FHIT: variants seen among roughly 807,000 people sequenced by gnomAD.
FHIT encodes fragile histidine triad diadenosine triphosphatase, also known as bis(5'-adenosyl)-triphosphatase.
Under a neutral mutation model 17.9 loss-of-function variants are expected in FHIT, and 19 were observed. The observed-to-expected ratio is 1.06, with a 90% CI of 0.74 to 1.56. The LOEUF is 1.56. Among genes scored for constraint, FHIT ranks in the 40% most tolerant of loss-of-function variants. The pLI, the probability that FHIT is intolerant of heterozygous loss-of-function variation, is 0.00. For synonymous variants in FHIT, 81 were observed against 69.7 expected (o/e 1.16, Z -0.81); for missense variants, 248 against 189.2 (o/e 1.31, Z -1.82).
At chr3:60,082,903 T>C (rs1314807578) in intron 5 of FHIT, among the ~76,000 whole-genome samples, 1 of 152,196 alleles carries the variant, frequency 6.6e-6, no homozygotes, top group African/African-American at 2.4e-5. Flanking sequence ...GCAAATATTT[T>C]CTCCCATCCT....
intron 8 of FHIT, among the ~76,000 whole-genome samples, chr3:59,856,329 T>G (rs56279723): frequency 0.15 from 23,107 of 152,208 alleles, 2,400 homozygotes; most frequent in East Asian, 0.6. Flanking sequence ...AAATTTTTTT[T>G]GCAAAGAAAA....
intron 2 of FHIT, among the ~76,000 whole-genome samples, chr3:61,083,527 T>C (rs2035211584): frequency 6.6e-6 from 1 of 152,156 alleles, no homozygotes; most frequent in Admixed American, 6.5e-5. Flanking sequence ...GAGGAGGAGC[T>C]TGCAGTGAGC....
intron 2 of FHIT, among the ~76,000 whole-genome samples, chr3:61,110,160 C>T (rs75771742): frequency 6.6e-6 from 1 of 152,096 alleles, no homozygotes; most frequent in East Asian, 1.9e-4. Context: ...CCACAAGGTC[C>T]CTCACGCTCT....
intron 4 of FHIT, among the ~76,000 whole-genome samples, chr3:60,635,911 T>G (rs187812156): frequency 1.3e-3 from 195 of 152,222 alleles, no homozygotes; most frequent in Non-Finnish European, 2.5e-3. Context: ...AATACATAAA[T>G]CTATTATTAG....
intron 5 of FHIT, among the ~76,000 whole-genome samples, chr3:60,237,846 A>C (rs1020009232): frequency 6.6e-6 from 1 of 152,098 alleles, no homozygotes; most frequent in African/African-American, 2.4e-5. Flanking sequence ...AGAAATTAAG[A>C]ATTTGTGGGC....
At chr3:60,382,010 T>C (rs999606598) in intron 5 of FHIT, among the ~76,000 whole-genome samples, 1 of 152,226 alleles carries the variant, frequency 6.6e-6, no homozygotes, top group African/African-American at 2.4e-5. Context: ...ACATTTCAAG[T>C]GTTCAGTAGC....
intron 4 of FHIT, among the ~76,000 whole-genome samples, chr3:60,576,517 G>C (rs782813658): frequency 2.6e-5 from 4 of 152,110 alleles, no homozygotes; most frequent in Non-Finnish European, 5.9e-5. Context: ...AAAAATCTGG[G>C]ACAATCCGTT....
chr3:60,526,554 C>G (rs1161347756), intron 5 of FHIT, among the ~76,000 whole-genome samples: 1 of 152,138 alleles, frequency 6.6e-6, no homozygotes, highest in Non-Finnish European at 1.5e-5. Flanking sequence ...AAGTTGTTCT[C>G]ATCTTTTTTC....
At chr3:60,121,657 C>A (rs972231458) in intron 5 of FHIT, among the ~76,000 whole-genome samples, 1 of 151,708 alleles carries the variant, frequency 6.6e-6, no homozygotes, top group African/African-American at 2.4e-5. Context: ...GCACTCCAGC[C>A]TGTGAGACAA....
intron 5 of FHIT, among the ~76,000 whole-genome samples, chr3:60,043,215 C>T (rs575254554): frequency 6.6e-6 from 1 of 152,312 alleles, no homozygotes; most frequent in African/African-American, 2.4e-5. Flanking sequence ...GGTGACATCA[C>T]CTAAGTTAGC....
At chr3:60,775,197 G>A (rs1700179550) in intron 4 of FHIT, among the ~76,000 whole-genome samples, 1 of 152,150 alleles carries the variant, frequency 6.6e-6, no homozygotes, top group East Asian at 1.9e-4. Flanking sequence ...CCTGATAGAG[G>A]AAGAAACCAA....
chr3:60,894,999 A>T (rs1553761536), intron 3 of FHIT, among the ~76,000 whole-genome samples: 1 of 152,202 alleles, frequency 6.6e-6, no homozygotes, highest in African/African-American at 2.4e-5. Flanking sequence ...ACTATCTTAC[A>T]CGTAGTCCAT....
rs59137290 is a variant in FHIT at position 60,526,137 on chromosome 3, T to TACACAC, written c.103+10717_103+10722dup. ...AACACAAAATGAAACACACAACACATACACACACACACACACACACACACA... is the reference window on the plus strand; with the variant it reads ...AACACAAAATGAAACACACAACACATACACACACACACACACACACACACACACACA... On this transcript the variant is annotated intron_variant, in intron 5 of 9. Transcript: ENST00000492590. 9.8e-3 allele frequency among the ~76,000 whole-genome samples: 1,458 copies of TACACAC among 148,152 alleles called. 34 individuals are homozygous for TACACAC. Among genetic ancestry groups the TACACAC allele is most frequent in the African/African-American group, 0.034 (1,358 of 40,006 alleles).
intron 4 of FHIT, among the ~76,000 whole-genome samples, chr3:60,688,499 T>C (rs1335982199): frequency 6.6e-6 from 1 of 151,534 alleles, no homozygotes; most frequent in African/African-American, 2.4e-5. Context: ...TGGTGCAATC[T>C]CAGCTCACTG....
intron 8 of FHIT, among the ~76,000 whole-genome samples, chr3:59,785,641 T>G (rs1437007979): frequency 6.6e-6 from 1 of 152,150 alleles, no homozygotes; most frequent in Admixed American, 6.5e-5. Flanking sequence ...TTTCAGTGCA[T>G]GTATTCAGGT....
intron 3 of FHIT, among the ~76,000 whole-genome samples, chr3:60,954,233 C>T (rs1296013485): frequency 1.3e-5 from 2 of 152,158 alleles, no homozygotes; most frequent in Non-Finnish European, 2.9e-5. Context: ...TTGACCTTTG[C>T]TATGCTTTCC....
intron 4 of FHIT, among the ~76,000 whole-genome samples, chr3:60,744,812 T>C (rs1553714920): frequency 6.6e-6 from 1 of 152,220 alleles, no homozygotes; most frequent in African/African-American, 2.4e-5. Context: ...GTAAGGCCCA[T>C]CTTCTGATTA....
At chr3:60,178,350 G>A (rs983410620) in intron 5 of FHIT, among the ~76,000 whole-genome samples, 1 of 152,132 alleles carries the variant, frequency 6.6e-6, no homozygotes, top group African/African-American at 2.4e-5. Flanking sequence ...ACTTTGGGAG[G>A]CTGAGGCGGG....
At chr3:60,606,743 TAAG>T (rs2038620973) in intron 4 of FHIT, among the ~76,000 whole-genome samples, 1 of 152,160 alleles carries the variant, frequency 6.6e-6, no homozygotes, top group East Asian at 1.9e-4. Flanking sequence ...CTCTGAATCC[TAAG>T]AAGAGTGACA....
Sources: allele counts gnomAD v4.1 joint callset (sites outside exome capture counted in the v4.1 genomes callset), GRCh38; gene constraint gnomAD v4.1.1; transcripts MANE v1.5; gene names NCBI Gene and HGNC (gene_info 2026-07-23, HGNC 2026-07-21).